The following PALM variants were observed in gnomAD, a reference collection of about 807,000 sequenced individuals.
PALM encodes paralemmin, also known as paralemmin-1.
PALM carries 18 observed loss-of-function variants against 30.7 expected under a neutral mutation model. That is an observed-to-expected ratio of 0.59 (90% CI 0.41 to 0.87). The LOEUF is 0.87. Among genes scored for constraint, PALM ranks in the 40% least tolerant of loss-of-function variants. PALM has a pLI of 0.00. For missense variants in PALM, 529 were observed against 555.4 expected (o/e 0.95, Z 0.48); for synonymous variants, 286 against 242.8 (o/e 1.18, Z -1.66).
chr19:734,123 T>C lies in PALM; in HGVS notation c.421-50T>C, dbSNP rs1399881314. 3.7e-6 allele frequency: 6 copies of C among 1,604,860 alleles called. No individual in the cohort carries two copies. In the African/African-American group the frequency reaches 6.7e-5, roughly 18 times the overall value. On this transcript the variant is annotated intron_variant, in intron 5 of 8. Coordinates refer to ENST00000338448, the MANE Select transcript of PALM (RefSeq NM_002579.3). ...CTCCTGACCCCATGGCTCCCCTTCC[T>C]CTTCCCGGGGATGCTGACGCCCCTG...
rs756745063 is a variant in PALM, at chr19:746,404, G to A, written c.754G>A (p.Gly252Arg). 3.5e-5 allele frequency: 57 copies of A among 1,612,194 alleles called. No homozygotes were observed. Among genetic ancestry groups the A allele is most frequent in the African/African-American group, 2.4e-4 (18 of 74,906 alleles). The stretch of plus-strand genomic sequence containing the variant: ...GCTGAGCGAGGCAGGGTCCACGGCC[G>A]GGGCGGCAGAGACCCGGGGGGCTGT... ...VTLSEAGSTA[G>R]AAETRGAVEG... The change falls in exon 9 of 9, where the codon GGG becomes AGG. Residue 252 changes from glycine (G) to arginine (R), a missense_variant. Transcript: ENST00000338448. The surrounding 1 kb of genome is among the most constrained non-coding windows in gnomAD (Gnocchi z 7.1).
intron 1 of PALM, 99 bp from the exon 2 acceptor site, chr19:726,039 G>T: frequency 1.1e-6 from 1 of 908,950 alleles, no homozygotes; most frequent in East Asian, 2.5e-5. Flanking sequence ...CCCTTGCCCT[G>T]GTTACCCCTA....
intron 1 of PALM, among the ~76,000 whole-genome samples, chr19:716,435 A>G (rs2032261906): frequency 6.7e-6 from 1 of 149,950 alleles, no homozygotes; most frequent in Admixed American, 6.6e-5. Flanking sequence ...AAGAAAGTTT[A>G]GATTAGGACC....
rs1340544721 is a variant in PALM at position 744,386 on chromosome 19, C to T, written c.635-1899C>T. Among the ~76,000 whole-genome samples the T allele has an allele frequency of 1.1e-4, 15 of 130,534 alleles. No individual in the cohort carries two copies. In the South Asian group the frequency reaches 3.1e-3, roughly 27 times the overall value. 85.6% of individuals were successfully genotyped at this position (130,534 alleles called of 152,430 possible). On this transcript the variant is annotated intron_variant, in intron 8 of 8. Coordinates refer to ENST00000338448, the MANE Select transcript of PALM (RefSeq NM_002579.3). ...CTGCACTCCAGCCTGGGCGACAGAG[C>T]GAGACTCCATCTCAAAAAAAAAAAA...
chr19:717,161 C>G (rs995298175), intron 1 of PALM, among the ~76,000 whole-genome samples: 7 of 152,184 alleles, frequency 4.6e-5, no homozygotes, highest in Non-Finnish European at 8.8e-5. Flanking sequence ...ATCTCTTGAC[C>G]TTGTGATCCA....
chr19:739,517 A>G (rs1204714816), intron 7 of PALM, among the ~76,000 whole-genome samples: 1 of 151,476 alleles, frequency 6.6e-6, no homozygotes, highest in Non-Finnish European at 1.5e-5. Flanking sequence ...CCCATTTCCA[A>G]AAAAGATAAA....
chr19:716,615 CCT>C (rs1233495086), intron 1 of PALM, among the ~76,000 whole-genome samples: 2 of 152,052 alleles, frequency 1.3e-5, no homozygotes, highest in African/African-American at 2.4e-5. Flanking sequence ...TTCAGTAACC[CCT>C]GTCAGGGAGC....
chr19:746,753 C>G lies in PALM; in HGVS notation c.1103C>G (p.Thr368Ser), dbSNP rs1419007576. Residue 368 changes from threonine to serine, a missense_variant, in exon 9 of 9, where the codon ACC (threonine) becomes AGC (serine). Transcript: ENST00000338448. This position sits in a 1 kb window ranked among gnomAD's most constrained non-coding sequence, Gnocchi z 7.1. ...EENQAGPEATTSDPQDLDMKK... is the reference protein window; with the variant it reads ...EENQAGPEATSSDPQDLDMKK... ...AATCAGGCGGGGCCCGAGGCCACCACCAGCGACCCCCAGGACCTCGACATG... is the reference window on the plus strand; with the variant it reads ...AATCAGGCGGGGCCCGAGGCCACCAGCAGCGACCCCCAGGACCTCGACATG... 25 of 1,595,488 alleles carry G rather than the reference C, an allele frequency of 1.6e-5. No homozygotes were observed. Among genetic ancestry groups the G allele is most frequent in the Non-Finnish European group, 2.1e-5 (25 of 1,174,502 alleles).
chr19:728,375 ACACGGACCTCG>A (rs2032761059), intron 4 of PALM, among the ~76,000 whole-genome samples: 1 of 152,214 alleles, frequency 6.6e-6, no homozygotes, highest in South Asian at 2.1e-4. Flanking sequence ...CGGCCGGATC[ACACGGACCTCG>A]CAGGCCCTTC....
chr19:736,562 G>T (rs2144908132), intron 7 of PALM, among the ~76,000 whole-genome samples: 1 of 152,312 alleles, frequency 6.6e-6, no homozygotes, highest in Non-Finnish European at 1.5e-5. Context: ...GAAGGTGGGG[G>T]TTGACGCTGA....
chr19:734,265 G>A, intron 6 of PALM, 71 bp downstream of exon 6: 1 of 1,483,606 alleles, frequency 6.7e-7, no homozygotes, highest in Non-Finnish European at 9.4e-7. Flanking sequence ...GGCAGGGCGG[G>A]GAGTGAAGCT....
At position 709,227 on chromosome 19, in the gene PALM, T is replaced by G. The variant is rs2031988343; in HGVS notation, c.5+76T>G. On this transcript the variant is annotated intron_variant, in intron 1 of 8. Coordinates refer to ENST00000338448, the MANE Select transcript of PALM (RefSeq NM_002579.3). The surrounding 1 kb of genome is among the most constrained non-coding windows in gnomAD (Gnocchi z 4.3). Reference sequence around the variant, plus strand: ...CCGGGGAGGGGGGAGGCCCCCTCTCTCGCGCCCCATTGGGGGCGTCGCTGC... The same window carrying G: ...CCGGGGAGGGGGGAGGCCCCCTCTCGCGCGCCCCATTGGGGGCGTCGCTGC... 2 of 293,114 alleles carry G rather than the reference T, an allele frequency of 6.8e-6. No homozygotes were observed. Among genetic ancestry groups the G allele is most frequent in the South Asian group, 2.9e-4 (2 of 6,816 alleles). 18.2% of individuals were successfully genotyped at this position (293,114 alleles called of 1,614,324 possible).
chr19:734,207 GA>G lies in PALM; in HGVS notation c.442+15del. 1.2e-6 allele frequency: 2 copies of G among 1,613,448 alleles called. No homozygotes were observed. On this transcript the variant is annotated intron_variant, in intron 6 of 8. Coordinates refer to ENST00000338448, the MANE Select transcript of PALM (RefSeq NM_002579.3). ...GGCACGCCCAAAGGTAGGACCTCTG[GA>G]AGGAACTCGTGGGGCCTCGGCGCAC...
At chr19:720,683 G>C (rs898697124) in intron 1 of PALM, among the ~76,000 whole-genome samples, 2 of 151,896 alleles carry the variant, frequency 1.3e-5, no homozygotes, top group Non-Finnish European at 2.9e-5. Context: ...TGCGCCCTGG[G>C]GCTGCTTCCC....
At chr19:721,099 C>T (rs958432178) in intron 1 of PALM, among the ~76,000 whole-genome samples, 5 of 152,236 alleles carry the variant, frequency 3.3e-5, no homozygotes, top group African/African-American at 1.2e-4. Context: ...CAGGGGGAAC[C>T]GTGTGTGAGA....
At chr19:744,092 T>A (rs2039013644) in intron 8 of PALM, among the ~76,000 whole-genome samples, 1 of 152,210 alleles carries the variant, frequency 6.6e-6, no homozygotes, top group East Asian at 1.9e-4. Context: ...AATTAAAAAC[T>A]ATTTACACTT....
intron 5 of PALM, among the ~76,000 whole-genome samples, chr19:732,661 T>C (rs761454469): frequency 4.6e-5 from 7 of 151,652 alleles, no homozygotes; most frequent in Non-Finnish European, 1.0e-4. Flanking sequence ...GCCACTACAC[T>C]CCAGCCTGGG....
intron 8 of PALM, among the ~76,000 whole-genome samples, chr19:743,088 G>A (rs976239516): frequency 3.3e-4 from 51 of 152,286 alleles, no homozygotes; most frequent in Admixed American, 1.4e-3. Context: ...GTGGCGTGAC[G>A]TGGGGTCTCC....
intron 1 of PALM, among the ~76,000 whole-genome samples, chr19:717,876 A>G (rs1303940200): frequency 6.6e-6 from 1 of 152,092 alleles, no homozygotes; most frequent in Non-Finnish European, 1.5e-5. Flanking sequence ...CATGGCAGGG[A>G]CAAAAATGAC....
Sources: allele counts gnomAD v4.1 joint callset (sites outside exome capture counted in the v4.1 genomes callset), GRCh38; gene constraint gnomAD v4.1.1; non-coding constraint Gnocchi (gnomAD v3.1); transcripts MANE v1.5; gene names NCBI Gene and HGNC (gene_info 2026-07-23, HGNC 2026-07-21).